Variants in CDH12 observed in about 807,000 individuals in gnomAD.
CDH12 encodes cadherin-12.
Under a neutral mutation model 74.1 loss-of-function variants are expected in CDH12, and 41 were observed. The ratio of observed to expected loss-of-function variants is 0.55; its 90% CI spans 0.43 to 0.72. The LOEUF (loss-of-function observed/expected upper bound fraction) is 0.72, where lower values mean the gene tolerates loss of function less well. CDH12 is among the 30% of genes least tolerant of loss of function. CDH12 has a pLI of 0.00. For synonymous variants in CDH12, 399 were observed against 355.0 expected (o/e 1.12, Z -1.39); for missense variants, 945 against 977.2 (o/e 0.97, Z 0.44).
intron 3 of CDH12, among the ~76,000 whole-genome samples, chr5:22,359,179 A>C (rs1395650289): frequency 6.6e-6 from 1 of 152,194 alleles, no homozygotes; most frequent in Non-Finnish European, 1.5e-5. Context: ...TGTATTCAGG[A>C]AACCCATTTC....
intron 3 of CDH12, among the ~76,000 whole-genome samples, chr5:22,360,437 T>G (rs1740751146): frequency 6.6e-6 from 1 of 152,138 alleles, no homozygotes; most frequent in East Asian, 1.9e-4. Context: ...AGGCAATAAT[T>G]AATAACTTAC....
At chr5:22,688,241 T>G (rs1420239818) in intron 1 of CDH12, among the ~76,000 whole-genome samples, 2 of 152,178 alleles carry the variant, frequency 1.3e-5, no homozygotes, top group Non-Finnish European at 2.9e-5. Flanking sequence ...TAGTCACAAG[T>G]TAATTCCAGC....
intron 1 of CDH12, among the ~76,000 whole-genome samples, chr5:22,606,674 C>A (rs754324439): frequency 6.6e-6 from 1 of 152,146 alleles, no homozygotes; most frequent in African/African-American, 2.4e-5. Context: ...ATAAATTACC[C>A]AGTCTTGGGC....
At chr5:21,923,177 T>C (rs1192730997) in intron 6 of CDH12, among the ~76,000 whole-genome samples, 1 of 152,142 alleles carries the variant, frequency 6.6e-6, no homozygotes, top group East Asian at 1.9e-4. Flanking sequence ...TACAGCTAAG[T>C]TACGTTATGT....
intron 5 of CDH12, among the ~76,000 whole-genome samples, chr5:22,016,670 G>A (rs1254664773): frequency 6.6e-6 from 1 of 152,052 alleles, no homozygotes; most frequent in Admixed American, 6.6e-5. Context: ...ACAGGTGTGA[G>A]CCACCATGCC....
intron 3 of CDH12, among the ~76,000 whole-genome samples, chr5:22,250,717 G>A (rs1753106520): frequency 6.6e-6 from 1 of 152,288 alleles, no homozygotes; most frequent in Non-Finnish European, 1.5e-5. Context: ...AATGTATCAC[G>A]TGGTTTCCCG....
intron 1 of CDH12, among the ~76,000 whole-genome samples, chr5:22,847,923 G>A (rs187942267): frequency 7.4e-5 from 11 of 149,400 alleles, no homozygotes; most frequent in South Asian, 4.2e-4. Context: ...TCACTCTGTC[G>A]CCCAGGCTGG....
At chr5:22,387,357 T>C (rs983181844) in intron 3 of CDH12, among the ~76,000 whole-genome samples, 1 of 152,144 alleles carries the variant, frequency 6.6e-6, no homozygotes, top group African/African-American at 2.4e-5. Flanking sequence ...TCTCTGTAAC[T>C]ATATCTTCCC....
chr5:21,755,805 G>A lies in CDH12; in HGVS notation c.1671C>T (p.Tyr557=). ...TAGIETRRNG[Y]SRRQQELYFL... Reference sequence around the variant, plus strand: ...AATACAACTCTTGCTGCCTGCGGCTGTATCCATTTCTTCGGGTTTCAATCC... The same window carrying A: ...AATACAACTCTTGCTGCCTGCGGCTATATCCATTTCTTCGGGTTTCAATCC... Residue 557 remains tyrosine (Y), a synonymous_variant, in exon 14 of 15, where the codon TAC becomes TAT. Transcript: ENST00000382254. 6.2e-7 allele frequency: 1 copy of A among 1,613,926 alleles called. No individual in the cohort carries two copies.
intron 5 of CDH12, among the ~76,000 whole-genome samples, chr5:22,043,139 C>A (rs1739692732): frequency 1.3e-5 from 2 of 151,862 alleles, no homozygotes; most frequent in Admixed American, 1.3e-4. Context: ...GAAGACACAA[C>A]CACAACAAAA....
intron 3 of CDH12, among the ~76,000 whole-genome samples, chr5:22,225,169 A>C (rs879706314): frequency 2.6e-5 from 4 of 152,094 alleles, no homozygotes; most frequent in Non-Finnish European, 5.9e-5. Flanking sequence ...TGACATTCCC[A>C]GACAATGATG....
intron 3 of CDH12, among the ~76,000 whole-genome samples, chr5:22,344,817 C>T (rs890377435): frequency 6.6e-6 from 1 of 152,266 alleles, no homozygotes; most frequent in South Asian, 2.1e-4. Flanking sequence ...GTTCCAGTAG[C>T]AAGCAGCTCA....
At chr5:21,815,071 TGC>T (rs889628978) in intron 9 of CDH12, among the ~76,000 whole-genome samples, 1 of 152,122 alleles carries the variant, frequency 6.6e-6, no homozygotes, top group Non-Finnish European at 1.5e-5. Context: ...GCGTAATTTT[TGC>T]ACAATAGTAG....
chr5:22,113,856 C>A (rs1333901584), intron 4 of CDH12, among the ~76,000 whole-genome samples: 3 of 152,108 alleles, frequency 2.0e-5, no homozygotes, highest in Non-Finnish European at 4.4e-5. Context: ...AGGGGTCATT[C>A]CTATTTTAAT....
intron 1 of CDH12, among the ~76,000 whole-genome samples, chr5:22,786,828 T>G (rs1747650447): frequency 6.6e-6 from 1 of 151,796 alleles, no homozygotes; most frequent in South Asian, 2.1e-4. Context: ...AAGCAATTCT[T>G]CTGCCTCAGC....
intron 6 of CDH12, chr5:21,883,238 C>A: frequency 1.5e-6 from 2 of 1,359,686 alleles, no homozygotes; most frequent in Non-Finnish European, 2.1e-6. Context: ...TTATTGAAGG[C>A]ATGAAGTTTG....
chr5:22,020,301 C>A (rs570720463), intron 5 of CDH12, among the ~76,000 whole-genome samples: 3 of 152,182 alleles, frequency 2.0e-5, no homozygotes, highest in African/African-American at 4.8e-5. Flanking sequence ...CACCTATAAT[C>A]CCAGCACTTT....
At chr5:22,239,939 C>A (rs1752689812) in intron 3 of CDH12, among the ~76,000 whole-genome samples, 1 of 152,116 alleles carries the variant, frequency 6.6e-6, no homozygotes, top group East Asian at 1.9e-4. Context: ...ATATTTTCTG[C>A]AGCATATCAA....
intron 6 of CDH12, among the ~76,000 whole-genome samples, chr5:21,906,190 A>C (rs7379072): frequency 0.73 from 111,731 of 152,098 alleles, 43,259 homozygotes; most frequent in Non-Finnish European, 0.85. Flanking sequence ...GTTTCTTGAA[A>C]TAGGATATTT....
Sources: gnomAD v4.1 joint callset for allele counts (sites outside exome capture counted in the v4.1 genomes callset) on GRCh38, gnomAD v4.1.1 for gene constraint, MANE v1.5 for transcripts, NCBI Gene and HGNC (gene_info 2026-07-23, HGNC 2026-07-21) for gene names.